Variants in FBN2 observed in about 807,000 individuals in gnomAD.
The protein encoded by FBN2 is fibrillin 2.
A neutral mutation model predicts 355.6 loss-of-function variants in FBN2; 105 were observed. That is an observed-to-expected ratio of 0.30 (90% confidence interval 0.25 to 0.35). FBN2 has a LOEUF of 0.35. Among genes scored for constraint, FBN2 ranks in the 10% least tolerant of loss-of-function variants. The pLI is 1.00. For synonymous variants in FBN2, 1,350 were observed against 1,301.2 expected (o/e 1.04, Z -0.81); for missense variants, 3,280 against 3,758.7 (o/e 0.87, Z 3.33).
At chr5:128,330,540 C>T in intron 33 of FBN2, 33 bp downstream of exon 33, 1 of 1,612,418 alleles carries the variant, frequency 6.2e-7, no homozygotes, top group Non-Finnish European at 8.5e-7. Context: ...CTATGACCAT[C>T]CCGTCAGAGC....
At chr5:128,342,860 C>G (rs1209764518) in intron 25 of FBN2, among the ~76,000 whole-genome samples, 1 of 152,008 alleles carries the variant, frequency 6.6e-6, no homozygotes, top group African/African-American at 2.4e-5. Context: ...TCCCGAGTAG[C>G]TGGGATTACA....
chr5:128,505,578 T>C (rs572364165), intron 5 of FBN2, among the ~76,000 whole-genome samples: 7 of 152,282 alleles, frequency 4.6e-5, no homozygotes, highest in African/African-American at 1.7e-4. Context: ...AACATATCCT[T>C]CACTCTTACA....
chr5:128,378,814 A>G lies in FBN2; in HGVS notation c.1680T>C (p.Cys560=), dbSNP rs1752155375. 1.2e-6 allele frequency: 2 copies of G among 1,613,206 alleles called. No individual in the cohort carries two copies. The highest frequency in any genetic ancestry group is 1.7e-6 in the Non-Finnish European group (2 of 1,179,434). Residue 560 remains cysteine (C), a synonymous_variant, in exon 12 of 65, where the codon TGT becomes TGC. Coordinates refer to ENST00000262464, the MANE Select transcript of FBN2 (RefSeq NM_001999.4). ...VNTPGSYYCK[C]HAGFQRTPTK... is the part of the protein sequence containing the mutation. ...TAGGAGTCCTCTGGAATCCAGCATG[A>G]CATTTACAATAATAGGAACCAGGTG...
At position 128,427,594 on chromosome 5, in the gene FBN2, C is replaced by T. The variant is rs115822978; in HGVS notation, c.953-18795G>A. 6.6e-3 allele frequency among the ~76,000 whole-genome samples: 1,001 copies of T among 152,310 alleles called. 15 individuals carry two copies. The highest frequency in any genetic ancestry group is 0.022 in the African/African-American group (932 of 41,564). On this transcript the variant is annotated intron_variant, in intron 7 of 64. Coordinates refer to ENST00000262464, the MANE Select transcript of FBN2 (RefSeq NM_001999.4). ...GATTTCAATTTTAAATAAAGCTGCT[C>T]TTTATTAATCAATTGCAAATTGGAA...
chr5:128,331,099 C>T, intron 32 of FBN2, among the ~76,000 whole-genome samples: 1 of 152,028 alleles, frequency 6.6e-6, no homozygotes, highest in East Asian at 1.9e-4. Context: ...GATGAGGAAA[C>T]AGAGATATGA....
chr5:128,343,774 T>C (rs1751092434), intron 25 of FBN2, among the ~76,000 whole-genome samples: 2 of 152,240 alleles, frequency 1.3e-5, no homozygotes, highest in African/African-American at 2.4e-5. Flanking sequence ...ATATAATTCT[T>C]GTGGATTTAA....
intron 43 of FBN2, 35 bp downstream of exon 43, chr5:128,305,788 T>C (rs1463335805): frequency 1.9e-6 from 3 of 1,612,432 alleles, no homozygotes; most frequent in African/African-American, 2.7e-5. Context: ...TATACCAAAT[T>C]ATACTGGATA....
chr5:128,258,428 A>G lies in FBN2; in HGVS notation c.*1027T>C, dbSNP rs1325757872. 1 of 152,616 alleles carries G rather than the reference A, an allele frequency of 6.6e-6. No individual in the cohort carries two copies. Among genetic ancestry groups the G allele is most frequent in the Admixed American group, 6.5e-5 (1 of 15,286 alleles). 9.5% of individuals were successfully genotyped at this position (152,616 alleles called of 1,614,324 possible). On this transcript the variant is annotated 3_prime_UTR_variant, in exon 65 of 65. Transcript: ENST00000262464. ...AACATATATTCCTTGGCTGCATTGC[A>G]TGATTTGTTTGCACATATGGCAATC...
chr5:128,381,870 G>C (rs1224842709), intron 11 of FBN2, among the ~76,000 whole-genome samples: 1 of 152,058 alleles, frequency 6.6e-6, no homozygotes, highest in Admixed American at 6.6e-5. Flanking sequence ...CAAAATTTGA[G>C]CTAAGCCTAA....
intron 5 of FBN2, among the ~76,000 whole-genome samples, chr5:128,476,579 A>G (rs1755009993): frequency 6.6e-6 from 1 of 152,254 alleles, no homozygotes; most frequent in South Asian, 2.1e-4. Flanking sequence ...TTAAGAGGAT[A>G]TAAGATTTAT....
chr5:128,333,874 C>CACACACA (rs1554122633), intron 31 of FBN2, among the ~76,000 whole-genome samples: 1 of 65,612 alleles, frequency 1.5e-5, no homozygotes, highest in East Asian at 9.2e-4. Flanking sequence ...CACACACACA[C>CACACACA]ACTACTGGCT....
intron 53 of FBN2, among the ~76,000 whole-genome samples, chr5:128,287,721 T>C (rs1226385352): frequency 6.6e-6 from 1 of 152,164 alleles, no homozygotes; most frequent in African/African-American, 2.4e-5. Flanking sequence ...TTTCTGAAAT[T>C]ACCCTCCAGA....
chr5:128,437,838 A>AC (rs1753814377), intron 7 of FBN2, among the ~76,000 whole-genome samples: 1 of 152,092 alleles, frequency 6.6e-6, no homozygotes, highest in African/African-American at 2.4e-5. Context: ...AGACAGACAG[A>AC]AAGACAGGAG....
chr5:128,418,903 A>G (rs1034198699), intron 7 of FBN2, among the ~76,000 whole-genome samples: 4 of 152,146 alleles, frequency 2.6e-5, no homozygotes, highest in African/African-American at 4.8e-5. Flanking sequence ...CATTTTTGAC[A>G]GGGATTGTGT....
chr5:128,377,662 G>T, intron 13 of FBN2, 90 bp downstream of exon 13: 2 of 1,302,264 alleles, frequency 1.5e-6, no homozygotes, highest in Non-Finnish European at 2.2e-6. Context: ...CATACGTGGT[G>T]TGTGAGCTTT....
At position 128,335,551 on chromosome 5, in the gene FBN2, C is replaced by T. The variant is rs1018550681; in HGVS notation, c.3751G>A (p.Gly1251Arg). ...TDIDECMIMN[G>R]GCDTQCTNSE... ...TTTGTGCACTGGGTGTCACAGCCTCCGTTCATTATCATACATTCATCAATA... is the reference window on the plus strand; with the variant it reads ...TTTGTGCACTGGGTGTCACAGCCTCTGTTCATTATCATACATTCATCAATA... Residue 1251 changes from glycine (G) to arginine (R), a missense_variant, in exon 29 of 65, where the codon GGA (glycine) becomes AGA (arginine). This residue lies in a region of FBN2 where 2,284 missense variants were observed against 2,749.5 expected (regional missense o/e 0.83). Transcript: ENST00000262464. The T allele has an allele frequency of 4.3e-6, 7 of 1,613,940 alleles. No individual in the cohort carries two copies. Among genetic ancestry groups the T allele is most frequent in the East Asian group, 2.2e-5 (1 of 44,894 alleles).
At chr5:128,346,086 A>AC (rs1223837597) in intron 23 of FBN2, among the ~76,000 whole-genome samples, 1 of 151,740 alleles carries the variant, frequency 6.6e-6, no homozygotes, top group Non-Finnish European at 1.5e-5. Flanking sequence ...TGCCAACTTT[A>AC]CCTTTTGCAT....
At chr5:128,445,588 C>A (rs1402544593) in intron 7 of FBN2, among the ~76,000 whole-genome samples, 1 of 152,028 alleles carries the variant, frequency 6.6e-6, no homozygotes, top group Non-Finnish European at 1.5e-5. Context: ...AGAGAAAGAG[C>A]AAAAGACTTA....
chr5:128,399,736 G>A (rs1752746611), intron 8 of FBN2, among the ~76,000 whole-genome samples: 1 of 151,650 alleles, frequency 6.6e-6, no homozygotes, highest in African/African-American at 2.4e-5. Flanking sequence ...TTATATATAG[G>A]CAAACATACA....
Sources: gnomAD v4.1 joint callset for allele counts (sites outside exome capture counted in the v4.1 genomes callset) on GRCh38, gnomAD v4.1.1 for gene constraint, gnomAD v4.1.1 regional missense constraint, MANE v1.5 for transcripts, NCBI Gene and HGNC (gene_info 2026-07-23, HGNC 2026-07-21) for gene names.